CCDC192: variants seen among roughly 807,000 people sequenced by gnomAD.
CCDC192 encodes coiled-coil domain containing 192.
intron 2 of CCDC192, among the ~76,000 whole-genome samples, chr5:127,749,950 G>A (rs1290141829): frequency 7.9e-5 from 12 of 151,780 alleles, no homozygotes; most frequent in Non-Finnish European, 1.6e-4. Context: ...CTGTGGGATC[G>A]GTGGTGATAT....
chr5:127,816,075 A>C (rs891687529), intron 5 of CCDC192, among the ~76,000 whole-genome samples: 2 of 152,184 alleles, frequency 1.3e-5, no homozygotes, highest in Non-Finnish European at 2.9e-5. Context: ...GTTGAGATAC[A>C]TTAATATGTG....
intron 6 of CCDC192, among the ~76,000 whole-genome samples, chr5:127,888,733 AC>A (rs1304971937): frequency 2.0e-5 from 3 of 152,222 alleles, no homozygotes; most frequent in Non-Finnish European, 4.4e-5. Flanking sequence ...AGGGAAATAC[AC>A]AGCTGACTAC....
chr5:127,729,063 C>T (rs796486936), intron 2 of CCDC192, among the ~76,000 whole-genome samples: 3 of 151,990 alleles, frequency 2.0e-5, no homozygotes, highest in Admixed American at 6.6e-5. Flanking sequence ...CATGCCACCA[C>T]GCCTGGCTAA....
At chr5:127,716,319 A>G (rs1296715989) in intron 2 of CCDC192, among the ~76,000 whole-genome samples, 1 of 152,102 alleles carries the variant, frequency 6.6e-6, no homozygotes, top group African/African-American at 2.4e-5. Flanking sequence ...TTTTGCCTCT[A>G]TGTTCATCAG....
At chr5:127,759,851 CT>C (rs1754813890) in intron 3 of CCDC192, among the ~76,000 whole-genome samples, 1 of 152,224 alleles carries the variant, frequency 6.6e-6, no homozygotes. Flanking sequence ...TCTTTCTCAT[CT>C]CTTCATCTGG....
chr5:127,761,217 T>C (rs772800246), intron 3 of CCDC192, among the ~76,000 whole-genome samples: 1 of 152,212 alleles, frequency 6.6e-6, no homozygotes, highest in Non-Finnish European at 1.5e-5. Flanking sequence ...TCAGCACTCA[T>C]TTGTTCATTT....
intron 6 of CCDC192, among the ~76,000 whole-genome samples, chr5:127,938,144 T>G (rs1294699711): frequency 6.6e-6 from 1 of 152,172 alleles, no homozygotes; most frequent in Non-Finnish European, 1.5e-5. Flanking sequence ...CAGTTTCTTA[T>G]GTAGTTTAAG....
rs1752047436 is a variant in CCDC192, at chr5:127,875,646, AAGCC to A, written c.525_528del (p.Ala176LeufsTer26). On this transcript the variant is annotated frameshift_variant, in exon 6 of 7. Coordinates refer to ENST00000514853, the MANE Select transcript of CCDC192 (RefSeq NM_001317938.2). LOFTEE classifies it low-confidence loss of function (END_TRUNC). The stretch of plus-strand genomic sequence containing the variant: ...GAAGATAAAGACTCTATATGAAGGA[AAGCC>A]AGCCCCTAGAGGTCAGTATTACCAC... The A allele has an allele frequency of 2.5e-6, 1 of 398,778 alleles. No individual in the cohort carries two copies. The highest frequency in any genetic ancestry group is 4.4e-6 in the Non-Finnish European group (1 of 226,006). The allele number at this position is 398,778 out of a possible 1,614,324, so 24.7% of individuals were successfully genotyped here. A position where few individuals can be genotyped will look rare whatever the true frequency, so the allele number is the denominator to read the frequency against.
intron 2 of CCDC192, chr5:127,739,592 C>T (rs375862308): frequency 5.7e-4 from 88 of 153,964 alleles, no homozygotes; most frequent in South Asian, 2.7e-3. Flanking sequence ...ACTCTGTGTG[C>T]GTAGGACCCT....
intron 2 of CCDC192, among the ~76,000 whole-genome samples, chr5:127,748,729 C>T (rs1183663384): frequency 3.5e-4 from 50 of 143,394 alleles, no homozygotes; most frequent in African/African-American, 1.3e-3. Context: ...ATTGATTCTT[C>T]CTACCCATGA....
chr5:127,716,631 A>C (rs1015589678), intron 2 of CCDC192, among the ~76,000 whole-genome samples: 1 of 152,172 alleles, frequency 6.6e-6, no homozygotes, highest in Non-Finnish European at 1.5e-5. Flanking sequence ...GTATGTGTCC[A>C]GGAAGTTTCT....
At chr5:127,911,113 C>T (rs1042280913) in intron 6 of CCDC192, among the ~76,000 whole-genome samples, 5 of 152,194 alleles carry the variant, frequency 3.3e-5, no homozygotes, top group African/African-American at 1.2e-4. Context: ...ATTATCAAAT[C>T]CTGCAATGGA....
intron 5 of CCDC192, among the ~76,000 whole-genome samples, chr5:127,847,296 T>C (rs1750596488): frequency 6.6e-6 from 1 of 152,226 alleles, no homozygotes; most frequent in Non-Finnish European, 1.5e-5. Flanking sequence ...ATTTTTCACA[T>C]TTTTCCTCCA....
At chr5:127,863,921 A>C (rs1381442259) in intron 5 of CCDC192, among the ~76,000 whole-genome samples, 1 of 152,196 alleles carries the variant, frequency 6.6e-6, no homozygotes, top group East Asian at 1.9e-4. Context: ...AACAGTCAAA[A>C]TATATGTATT....
At chr5:127,841,488 GT>G (rs1750284615) in intron 5 of CCDC192, among the ~76,000 whole-genome samples, 1 of 151,974 alleles carries the variant, frequency 6.6e-6, no homozygotes, top group African/African-American at 2.4e-5. Context: ...TTTAATCTTG[GT>G]TTTCATTTTA....
chr5:127,897,238 A>T (rs568288770), intron 6 of CCDC192, among the ~76,000 whole-genome samples: 20 of 152,326 alleles, frequency 1.3e-4, no homozygotes, highest in South Asian at 8.3e-4. Flanking sequence ...TATTTTACCT[A>T]AGGCAATTTT....
intron 6 of CCDC192, among the ~76,000 whole-genome samples, chr5:127,877,650 AAT>A (rs1161039122): frequency 7.2e-6 from 1 of 139,474 alleles, no homozygotes; most frequent in East Asian, 2.1e-4. Context: ...GTCCCAGAAT[AAT>A]ATTAACTGGC....
chr5:127,778,781 G>T (rs956334739), intron 3 of CCDC192, among the ~76,000 whole-genome samples: 1 of 151,686 alleles, frequency 6.6e-6, no homozygotes, highest in Non-Finnish European at 1.5e-5. Context: ...TTTTAAAATG[G>T]ATTCAATCTC....
chr5:127,853,937 C>T (rs1750929284), intron 5 of CCDC192, among the ~76,000 whole-genome samples: 1 of 152,162 alleles, frequency 6.6e-6, no homozygotes, highest in Non-Finnish European at 1.5e-5. Context: ...TTATGCACCA[C>T]TCGCTTTTCA....
Sources: gnomAD v4.1 joint callset for allele counts (sites outside exome capture counted in the v4.1 genomes callset) on GRCh38, gnomAD v4.1.1 for gene constraint, MANE v1.5 for transcripts, NCBI Gene and HGNC (gene_info 2026-07-23, HGNC 2026-07-21) for gene names.